The following ARHGAP29 variants were observed in gnomAD, a reference collection of about 807,000 sequenced individuals.
The protein encoded by ARHGAP29 is rho GTPase-activating protein 29.
ARHGAP29 carries 43 observed loss-of-function variants against 122.6 expected under a neutral mutation model. That is an observed-to-expected ratio of 0.35 (90% confidence interval 0.27 to 0.45). The LOEUF is 0.45. Among genes scored for constraint, ARHGAP29 ranks in the 20% least tolerant of loss-of-function variants. ARHGAP29 has a pLI of 1.00. For synonymous variants in ARHGAP29, 506 were observed against 497.1 expected, an observed-to-expected ratio of 1.02 and a Z score of -0.24; for missense variants, 1,303 against 1,477.2, an observed-to-expected ratio of 0.88 and a Z score of 1.93.
chr1:94,308,294 GGTA>G, the ARHGAP29 span, among the ~76,000 whole-genome samples: 1 of 152,120 alleles, frequency 6.6e-6, no homozygotes, highest in South Asian at 2.1e-4. Flanking sequence ...CAGGAAAGAT[GGTA>G]GTAGTAAGGT....
chr1:94,201,488 CCTT>C (rs1432281296), intron 12 of ARHGAP29, among the ~76,000 whole-genome samples: 2 of 150,468 alleles, frequency 1.3e-5, no homozygotes, highest in Middle Eastern at 3.4e-3. Context: ...TTCCTCCCTC[CCTT>C]CTTTCCTTCC....
intron 19 of ARHGAP29, among the ~76,000 whole-genome samples, chr1:94,180,942 C>T (rs1557840481): frequency 6.6e-6 from 1 of 152,144 alleles, no homozygotes; most frequent in Admixed American, 6.5e-5. Context: ...AGGTATTTGG[C>T]CTCCATTTTT....
intron 3 of ARHGAP29, among the ~76,000 whole-genome samples, chr1:94,216,192 T>TTGAA (rs1256121149): frequency 6.6e-6 from 1 of 152,214 alleles, no homozygotes; most frequent in South Asian, 2.1e-4. Context: ...TGACTATTTA[T>TTGAA]TGAAGCACTG....
intron 1 of ARHGAP29, among the ~76,000 whole-genome samples, chr1:94,251,094 T>A (rs1654064894): frequency 6.6e-6 from 1 of 152,152 alleles, no homozygotes; most frequent in Non-Finnish European, 1.5e-5. Context: ...GTGCTAGTGA[T>A]ACACTTTTAA....
chr1:94,270,949 CAT>C (rs922312822), intron 1 of ARHGAP29, among the ~76,000 whole-genome samples: 3 of 152,360 alleles, frequency 2.0e-5, no homozygotes, highest in East Asian at 1.9e-4. Context: ...TGAAATAACA[CAT>C]GACTCACTGT....
At position 94,201,874 on chromosome 1, in the gene ARHGAP29, G is replaced by GA. The variant is rs5776210; in HGVS notation, c.1144-18dup. The GA allele has an allele frequency of 0.94, 1,255,514 of 1,329,758 alleles. 591,664 individuals are homozygous for GA. Among genetic ancestry groups the GA allele is most frequent in the East Asian group, 0.95 (35,543 of 37,334 alleles). 82.4% of individuals were successfully genotyped at this position (1,329,758 alleles called of 1,614,324 possible). ...TTCTTCTACCTTCACAAATATCACA[G>GA]AAAAAAAAATAACACTAGAATTTAT... On this transcript the variant is annotated splice_polypyrimidine_tract_variant and intron_variant, in intron 11 of 22. Transcript: ENST00000260526.
chr1:94,170,398 T>C lies in ARHGAP29; in HGVS notation c.*3471A>G, dbSNP rs1168305896. ...CAAACTGGCCAATCCTCCTCAAGTGTCAAGGTCAAAGACAAGTCTGAAAAG... is the reference window on the plus strand; with the variant it reads ...CAAACTGGCCAATCCTCCTCAAGTGCCAAGGTCAAAGACAAGTCTGAAAAG... On this transcript the variant is annotated 3_prime_UTR_variant, in exon 23 of 23. Transcript: ENST00000260526. Among the ~76,000 whole-genome samples the C allele has an allele frequency of 6.6e-6, 1 of 152,170 alleles. No homozygotes were observed. Among genetic ancestry groups the C allele is most frequent in the African/African-American group, 2.4e-5 (1 of 41,438 alleles).
chr1:94,257,022 T>C (rs958970034), intron 1 of ARHGAP29, among the ~76,000 whole-genome samples: 1 of 152,144 alleles, frequency 6.6e-6, no homozygotes, highest in Admixed American at 6.5e-5. Flanking sequence ...ATTCATTGGA[T>C]GGAGGCTGTT....
intron 12 of ARHGAP29, chr1:94,195,805 A>G (rs1009756802): frequency 6.6e-6 from 1 of 152,106 alleles, no homozygotes; most frequent in Non-Finnish European, 1.5e-5. Context: ...AAAGAATGAT[A>G]AAAGATATGC....
At chr1:94,214,914 A>G (rs779269545) in intron 3 of ARHGAP29, among the ~76,000 whole-genome samples, 1 of 152,162 alleles carries the variant, frequency 6.6e-6, no homozygotes, top group African/African-American at 2.4e-5. Flanking sequence ...AATCAGCTAT[A>G]TAACACCTAT....
chr1:94,268,634 G>T (rs188822086), intron 1 of ARHGAP29, among the ~76,000 whole-genome samples: 305 of 152,274 alleles, frequency 2.0e-3, no homozygotes, highest in African/African-American at 7.0e-3. Flanking sequence ...AGTATTGGTT[G>T]AATGTTTGTT....
chr1:94,249,741 A>G (rs1288805168), intron 1 of ARHGAP29, among the ~76,000 whole-genome samples: 1 of 151,910 alleles, frequency 6.6e-6, no homozygotes, highest in African/African-American at 2.4e-5. Context: ...ACAAGAGTGA[A>G]ACTCCATCTC....
intron 3 of ARHGAP29, among the ~76,000 whole-genome samples, chr1:94,214,063 A>G (rs1170004349): frequency 1.3e-5 from 2 of 152,204 alleles, no homozygotes; most frequent in Non-Finnish European, 2.9e-5. Context: ...TAACAGTAAT[A>G]TATACTGATA....
At chr1:94,306,577 G>T in the ARHGAP29 span, among the ~76,000 whole-genome samples, 1 of 152,214 alleles carries the variant, frequency 6.6e-6, no homozygotes, top group Non-Finnish European at 1.5e-5. Flanking sequence ...TGAGGATCAA[G>T]ACTATGGTAT....
At chr1:94,310,352 A>G in the ARHGAP29 span, among the ~76,000 whole-genome samples, 2 of 152,206 alleles carry the variant, frequency 1.3e-5, no homozygotes, top group African/African-American at 2.4e-5. Context: ...TGGGCACTCC[A>G]TGCCTACCCC....
chr1:94,205,072 T>C lies in ARHGAP29; in HGVS notation c.686A>G (p.Lys229Arg), dbSNP rs1264476540. The change falls in exon 7 of 23, where the codon AAG (lysine) becomes AGG (arginine). Residue 229 changes from lysine to arginine, a missense_variant. By Grantham distance (26) the Lys-to-Arg change is conservative. Around this residue, in one of 3 missense-constraint regions of ARHGAP29, gnomAD observed 592 missense variants for 648.2 expected, o/e 0.91. Coordinates refer to ENST00000260526, the MANE Select transcript of ARHGAP29 (RefSeq NM_004815.4). ...AAAAGGCAACTCACCCAAGTTAAGC[T>C]TTTTTTCAACCCATGAAACTATGTT... ...TKNIVSWVEK[K>R]LNLELESTRN... 6.4e-7 allele frequency: 1 copy of C among 1,563,824 alleles called. No individual in the cohort carries two copies. Among genetic ancestry groups the C allele is most frequent in the Middle Eastern group, 1.7e-4 (1 of 5,846 alleles).
At chr1:94,182,237 T>C (rs995628332) in intron 19 of ARHGAP29, among the ~76,000 whole-genome samples, 20 of 149,412 alleles carry the variant, frequency 1.3e-4, no homozygotes, top group East Asian at 1.9e-4. Context: ...GGAAGAAAGA[T>C]AGAGCTGAGG....
chr1:94,211,404 G>A (rs1651607736), intron 3 of ARHGAP29, among the ~76,000 whole-genome samples: 1 of 150,214 alleles, frequency 6.7e-6, no homozygotes. Flanking sequence ...ATTCACAGTT[G>A]TAACTGGTGA....
At position 94,231,349 on chromosome 1, in the gene ARHGAP29, C is replaced by T. The variant is rs72962393; in HGVS notation, c.205+58G>A. 4.1e-5 allele frequency: 59 copies of T among 1,435,982 alleles called. No individual in the cohort carries two copies. In the African/African-American group the frequency reaches 7.9e-4, roughly 19 times the overall value. 89.0% of individuals were successfully genotyped at this position (1,435,982 alleles called of 1,614,324 possible). The stretch of plus-strand genomic sequence containing the variant: ...ACTGTGTACAAACTTATCTGCTAGG[C>T]CAGCATTTAAAATTTTACAAACTAT... On this transcript the variant is annotated intron_variant, in intron 2 of 22. Transcript: ENST00000260526.
Sources: allele counts gnomAD v4.1 joint callset (sites outside exome capture counted in the v4.1 genomes callset), GRCh38; gene constraint gnomAD v4.1.1; regional missense constraint gnomAD v4.1.1; transcripts MANE v1.5; gene names NCBI Gene and HGNC (gene_info 2026-07-23, HGNC 2026-07-21).